The following LRMDA variants were observed in gnomAD, a reference collection of about 807,000 sequenced individuals.
The protein encoded by LRMDA is leucine-rich melanocyte differentiation-associated protein.
LRMDA carries 18 observed loss-of-function variants against 29.8 expected under a neutral mutation model. That is an observed-to-expected ratio of 0.60 (90% CI 0.42 to 0.90). The LOEUF (loss-of-function observed/expected upper bound fraction) is 0.90, where lower values mean the gene tolerates loss of function less well. Among genes scored for constraint, LRMDA ranks in the 40% least tolerant of loss-of-function variants. LRMDA has a pLI of 0.00. For missense variants in LRMDA, 273 were observed against 273.9 expected, an observed-to-expected ratio of 1.00 and a Z score of 0.02; for synonymous variants, 125 against 109.4, an observed-to-expected ratio of 1.14 and a Z score of -0.89.
At chr10:75,969,740 CT>C (rs140811393) in intron 2 of LRMDA, among the ~76,000 whole-genome samples, 31,763 of 152,038 alleles carry the variant, frequency 0.21, 3,844 homozygotes, top group South Asian at 0.41. Flanking sequence ...CTTCCCTGGA[CT>C]TTTTTTAGGA....
At chr10:75,938,503 G>A (rs1294266669) in intron 2 of LRMDA, among the ~76,000 whole-genome samples, 2 of 152,174 alleles carry the variant, frequency 1.3e-5, no homozygotes, top group African/African-American at 2.4e-5. Flanking sequence ...AGCTCATCAT[G>A]GGCAATGTGG....
chr10:75,578,908 T>C (rs1840548192), intron 2 of LRMDA, among the ~76,000 whole-genome samples: 1 of 150,888 alleles, frequency 6.6e-6, no homozygotes, highest in Non-Finnish European at 1.5e-5. Context: ...TGGGACACAT[T>C]TAAAGTAGTG....
At chr10:76,309,813 C>G (rs562132829) in intron 5 of LRMDA, among the ~76,000 whole-genome samples, 123 of 152,296 alleles carry the variant, frequency 8.1e-4, no homozygotes, top group Non-Finnish European at 1.6e-3. Context: ...AATTTTACAA[C>G]AAGCCAGCGC....
chr10:75,939,839 A>G (rs890415260), intron 2 of LRMDA, among the ~76,000 whole-genome samples: 1 of 152,170 alleles, frequency 6.6e-6, no homozygotes, highest in Non-Finnish European at 1.5e-5. Context: ...TGCCCAGCCA[A>G]ATGGCTTTGG....
At chr10:76,519,091 T>A (rs1023567223) in intron 6 of LRMDA, among the ~76,000 whole-genome samples, 5 of 152,084 alleles carry the variant, frequency 3.3e-5, no homozygotes, top group African/African-American at 1.2e-4. Context: ...GGTGGATTGC[T>A]GGAGGAAAGG....
intron 2 of LRMDA, among the ~76,000 whole-genome samples, chr10:75,706,052 A>G (rs1842362139): frequency 6.6e-6 from 1 of 152,192 alleles, no homozygotes; most frequent in South Asian, 2.1e-4. Context: ...GTAAAATGAC[A>G]GCCAAGTGTC....
At chr10:75,617,010 G>A (rs989617647) in intron 2 of LRMDA, among the ~76,000 whole-genome samples, 2 of 152,206 alleles carry the variant, frequency 1.3e-5, no homozygotes, top group African/African-American at 4.8e-5. Flanking sequence ...GATGACCTAA[G>A]TTGGCCTCAG....
chr10:75,607,569 T>A (rs1840971424), intron 2 of LRMDA, among the ~76,000 whole-genome samples: 1 of 152,202 alleles, frequency 6.6e-6, no homozygotes. Flanking sequence ...TTTTCTCAGG[T>A]CCTAACCTTC....
intron 2 of LRMDA, among the ~76,000 whole-genome samples, chr10:75,785,467 C>A (rs1843456488): frequency 6.6e-6 from 1 of 152,210 alleles, no homozygotes; most frequent in African/African-American, 2.4e-5. Context: ...AGCTGTCCTC[C>A]TGCAGGGGCA....
At chr10:76,481,716 G>T (rs1401223775) in intron 6 of LRMDA, among the ~76,000 whole-genome samples, 1 of 151,854 alleles carries the variant, frequency 6.6e-6, no homozygotes, top group Non-Finnish European at 1.5e-5. Flanking sequence ...TGTAGGGTCA[G>T]ATTAACTCAT....
intron 6 of LRMDA, among the ~76,000 whole-genome samples, chr10:76,540,991 T>C (rs1400086014): frequency 1.3e-5 from 2 of 152,186 alleles, no homozygotes; most frequent in African/African-American, 4.8e-5. Flanking sequence ...ATGAGTCATA[T>C]AGTATCCAGT....
At chr10:76,181,040 CA>C (rs899159330) in intron 5 of LRMDA, among the ~76,000 whole-genome samples, 1 of 152,258 alleles carries the variant, frequency 6.6e-6, no homozygotes, top group East Asian at 1.9e-4. Context: ...TGAGTCTTCT[CA>C]AAGTGTCTCC....
intron 6 of LRMDA, among the ~76,000 whole-genome samples, chr10:76,533,996 A>G (rs970307470): frequency 3.3e-5 from 5 of 152,192 alleles, no homozygotes; most frequent in Non-Finnish European, 5.9e-5. Context: ...TGGGATGCTC[A>G]TTCATTGACC....
Position 76,431,914 on chromosome 10 carries a change from G to C in LRMDA, c.601+107429G>C, listed in dbSNP as rs1842194718. Among the ~76,000 whole-genome samples, 3 of 152,182 alleles carry C rather than the reference G, an allele frequency of 2.0e-5. No individual in the cohort carries two copies. The South Asian group carries it at 6.2e-4, about 32-fold the overall frequency. ...CTGTACAAGCTCCCTTCTCTTGTCTGCTGCCATGTGAGACATGCCTTTCAC... is the reference window on the plus strand; with the variant it reads ...CTGTACAAGCTCCCTTCTCTTGTCTCCTGCCATGTGAGACATGCCTTTCAC... On this transcript the variant is annotated intron_variant, in intron 6 of 6. Transcript: ENST00000611255.
chr10:76,493,231 C>G (rs778941755), intron 6 of LRMDA, among the ~76,000 whole-genome samples: 1 of 152,056 alleles, frequency 6.6e-6, no homozygotes, highest in Non-Finnish European at 1.5e-5. Context: ...GTTGTTTCCA[C>G]TCTTCCCTTC....
chr10:76,478,446 A>G lies in LRMDA; in HGVS notation c.602-78763A>G, dbSNP rs192950772. Among the ~76,000 whole-genome samples the G allele has an allele frequency of 4.3e-3, 657 of 152,212 alleles. 1 individual carries two copies. Among genetic ancestry groups the G allele is most frequent in the African/African-American group, 0.015 (614 of 41,548 alleles). ...AAATAGGAAGAGTTTTACACTGTTG[A>G]TGGGACTGTAAACTAGTTCAACCAT... is the stretch of plus-strand genomic sequence containing the variant. On this transcript the variant is annotated intron_variant, in intron 6 of 6. Transcript: ENST00000611255.
At chr10:75,455,709 G>T (rs1564775563) in intron 2 of LRMDA, among the ~76,000 whole-genome samples, 1 of 152,204 alleles carries the variant, frequency 6.6e-6, no homozygotes, top group Non-Finnish European at 1.5e-5. Context: ...ACACAGGATA[G>T]CACAGTCCAA....
intron 2 of LRMDA, among the ~76,000 whole-genome samples, chr10:75,546,911 A>G (rs892246984): frequency 2.6e-5 from 4 of 152,192 alleles, no homozygotes; most frequent in African/African-American, 9.6e-5. Flanking sequence ...CACATAGGGT[A>G]CTTCAATATT....
chr10:76,082,595 G>T (rs193214010), intron 5 of LRMDA, among the ~76,000 whole-genome samples: 1 of 151,854 alleles, frequency 6.6e-6, no homozygotes, highest in Admixed American at 6.6e-5. Flanking sequence ...AGCTGAATGA[G>T]ATCAGACTTT....
Sources: allele counts gnomAD v4.1 joint callset (sites outside exome capture counted in the v4.1 genomes callset), GRCh38; gene constraint gnomAD v4.1.1; transcripts MANE v1.5; gene names NCBI Gene and HGNC (gene_info 2026-07-23, HGNC 2026-07-21).